Variants in FRMD3 observed in about 807,000 individuals in gnomAD.
FRMD3 encodes FERM domain-containing protein 3.
In FRMD3, 33 loss-of-function variants were observed where a neutral mutation model predicts 70.2. The observed-to-expected ratio is 0.47, with a 90% CI of 0.36 to 0.63. The LOEUF (loss-of-function observed/expected upper bound fraction) is 0.63. Among genes scored for constraint, FRMD3 ranks in the 20% least tolerant of loss-of-function variants. The pLI, the probability that FRMD3 is intolerant of heterozygous loss-of-function variation, is 0.00. For missense variants in FRMD3, 632 were observed against 711.4 expected (o/e 0.89, Z 1.27); for synonymous variants, 279 against 255.9 (o/e 1.09, Z -0.86).
chr9:83,402,368 C>T (rs1291275349), intron 1 of FRMD3, among the ~76,000 whole-genome samples: 2 of 151,226 alleles, frequency 1.3e-5, no homozygotes, highest in African/African-American at 2.4e-5. Context: ...AACCTCTGCA[C>T]ACTCTGTCTG....
At chr9:83,294,587 T>G (rs1036589054) in intron 12 of FRMD3, among the ~76,000 whole-genome samples, 1 of 152,230 alleles carries the variant, frequency 6.6e-6, no homozygotes, top group Non-Finnish European at 1.5e-5. Flanking sequence ...TTACCTCATC[T>G]TTTTCTCTTA....
intron 1 of FRMD3, among the ~76,000 whole-genome samples, chr9:83,483,218 C>A (rs1306842134): frequency 1.3e-5 from 2 of 152,126 alleles, no homozygotes; most frequent in African/African-American, 2.4e-5. Flanking sequence ...TGTAGCGCTT[C>A]CCCCTTTGCT....
At chr9:83,475,322 A>T (rs912311341) in intron 1 of FRMD3, among the ~76,000 whole-genome samples, 1 of 152,136 alleles carries the variant, frequency 6.6e-6, no homozygotes, top group African/African-American at 2.4e-5. Flanking sequence ...GAAATTCTAG[A>T]ACTGAAAAAT....
chr9:83,531,107 A>G (rs1181417134), intron 1 of FRMD3, among the ~76,000 whole-genome samples: 1 of 152,182 alleles, frequency 6.6e-6, no homozygotes, highest in Non-Finnish European at 1.5e-5. Context: ...AAAATGTGAG[A>G]ACTGGCACTA....
At chr9:83,372,368 AC>A (rs147368581) in intron 3 of FRMD3, among the ~76,000 whole-genome samples, 96,689 of 144,584 alleles carry the variant, frequency 0.67, 32,676 homozygotes, top group African/African-American at 0.73. Context: ...AGAGAGAGAG[AC>A]GAAAAAAAAA....
intron 2 of FRMD3, among the ~76,000 whole-genome samples, chr9:83,383,032 G>A (rs560197183): frequency 4.6e-5 from 7 of 152,144 alleles, no homozygotes; most frequent in Admixed American, 6.5e-5. Flanking sequence ...CTAAGCAGCC[G>A]TGTAAGAAGT....
chr9:83,245,174 A>AAGACACACATATATACAGATTCATATAT lies in FRMD3; in HGVS notation c.*2716_*2743dup. 1.0e-6 allele frequency: 1 copy of AAGACACACATATATACAGATTCATATAT among 985,090 alleles called. No individual in the cohort carries two copies. Among genetic ancestry groups the AAGACACACATATATACAGATTCATATAT allele is most frequent in the Non-Finnish European group, 1.2e-6 (1 of 829,636 alleles). The allele number at this position is 985,090 out of a possible 1,614,324, so 61.0% of individuals were successfully genotyped here. On this transcript the variant is annotated 3_prime_UTR_variant, in exon 14 of 14. Coordinates refer to ENST00000304195, the MANE Select transcript of FRMD3 (RefSeq NM_174938.6). ...GGGGCATATATGTTGTGTCTATTCA[A>AAGACACACATATATACAGATTCATATAT]AGACACACATATATACAGATTCATA...
At chr9:83,585,247 C>G in the FRMD3 span, among the ~76,000 whole-genome samples, 2 of 152,136 alleles carry the variant, frequency 1.3e-5, no homozygotes, top group Non-Finnish European at 2.9e-5. Flanking sequence ...CCCACTCAGC[C>G]AGGAGGAACA....
chr9:83,306,070 C>G (rs1159358634), intron 10 of FRMD3, among the ~76,000 whole-genome samples: 1 of 152,138 alleles, frequency 6.6e-6, no homozygotes, highest in Non-Finnish European at 1.5e-5. Flanking sequence ...TTTGTTTTTG[C>G]CTTTATTTAA....
rs1267716045 is a variant in FRMD3 at position 83,310,474 on chromosome 9, C to A, written c.837+11G>T. 2 of 1,601,080 alleles carry A rather than the reference C, an allele frequency of 1.2e-6. No individual in the cohort carries two copies. Reference sequence around the variant, plus strand: ...ACAATAACAGGCAGTTAAAAAAAAGCAGTATCTGACCTCCTTCTGGGTGCC... The same window carrying A: ...ACAATAACAGGCAGTTAAAAAAAAGAAGTATCTGACCTCCTTCTGGGTGCC... On this transcript the variant is annotated intron_variant, in intron 9 of 13. Coordinates refer to ENST00000304195, the MANE Select transcript of FRMD3 (RefSeq NM_174938.6).
At chr9:83,545,410 T>C in the FRMD3 span, among the ~76,000 whole-genome samples, 1 of 142,230 alleles carries the variant, frequency 7.0e-6, no homozygotes, top group African/African-American at 2.6e-5. Context: ...CAGGCTGGAG[T>C]GCAGTGGTGC....
Position 83,420,972 on chromosome 9 carries a change from G to T in FRMD3, c.148-31264C>A, listed in dbSNP as rs1202420526. Among the ~76,000 whole-genome samples, 10 of 109,680 alleles carry T rather than the reference G, an allele frequency of 9.1e-5. No homozygotes were observed. In the East Asian group the frequency reaches 2.4e-3, roughly 26 times the overall value. The allele number at this position is 109,680 out of a possible 152,430, so 72.0% of individuals were successfully genotyped here. The stretch of plus-strand genomic sequence containing the variant: ...TTTTTTTTTTTTGAGACGGAGTCTC[G>T]CTCTGTCGCCCAGGCTGGAGTGCAG... On this transcript the variant is annotated intron_variant, in intron 1 of 13. Coordinates refer to ENST00000304195, the MANE Select transcript of FRMD3 (RefSeq NM_174938.6).
intron 1 of FRMD3, among the ~76,000 whole-genome samples, chr9:83,483,468 G>A (rs1054455756): frequency 5.3e-5 from 8 of 150,368 alleles, no homozygotes; most frequent in Admixed American, 2.0e-4. Flanking sequence ...TTTCCACCCC[G>A]CCAGTGAGAT....
At position 83,480,525 on chromosome 9, in the gene FRMD3, G is replaced by T. The variant is rs143571826; in HGVS notation, c.147+57560C>A. Among the ~76,000 whole-genome samples, 208 of 137,476 alleles carry T rather than the reference G, an allele frequency of 1.5e-3. 4 individuals are homozygous for T. The East Asian group carries it at 0.036, about 24-fold the overall frequency. 90.2% of individuals were successfully genotyped at this position (137,476 alleles called of 152,430 possible). ...TTTTTTTTTTTTTGAGATGGAGTTT[G>T]GCTCTTGTTGCCCAGGCTGGAGTGC... On this transcript the variant is annotated intron_variant, in intron 1 of 13. Transcript: ENST00000304195.
chr9:83,424,810 C>G (rs190301932), intron 1 of FRMD3, among the ~76,000 whole-genome samples: 2 of 152,294 alleles, frequency 1.3e-5, no homozygotes, highest in Admixed American at 1.3e-4. Context: ...ATATAACTAT[C>G]CACACAAAGT....
At chr9:83,278,766 C>T (rs1184411164) in intron 13 of FRMD3, among the ~76,000 whole-genome samples, 1 of 152,116 alleles carries the variant, frequency 6.6e-6, no homozygotes, top group African/African-American at 2.4e-5. Context: ...TGTCAAGGTC[C>T]TGAGGGAGCA....
chr9:83,293,033 AG>A (rs1000343229), intron 12 of FRMD3, among the ~76,000 whole-genome samples: 1 of 152,194 alleles, frequency 6.6e-6, no homozygotes, highest in African/African-American at 2.4e-5. Context: ...GGGAGCACAA[AG>A]GAGGGGCACC....
At chr9:83,462,509 T>A (rs1420097590) in intron 1 of FRMD3, among the ~76,000 whole-genome samples, 1 of 152,130 alleles carries the variant, frequency 6.6e-6, no homozygotes, top group Non-Finnish European at 1.5e-5. Context: ...CCTAGATCCA[T>A]CCTCAGTGGA....
intron 6 of FRMD3, among the ~76,000 whole-genome samples, chr9:83,334,492 C>T (rs1056871402): frequency 6.6e-6 from 1 of 152,196 alleles, no homozygotes; most frequent in Non-Finnish European, 1.5e-5. Context: ...GTTGTCTGTT[C>T]CAGAATGCAT....
Sources: allele counts gnomAD v4.1 joint callset (sites outside exome capture counted in the v4.1 genomes callset), GRCh38; gene constraint gnomAD v4.1.1; transcripts MANE v1.5; gene names NCBI Gene and HGNC (gene_info 2026-07-23, HGNC 2026-07-21).